Variants in CNR2 observed in about 807,000 individuals in gnomAD.
CNR2 encodes cannabinoid receptor 2 (macrophage).
For missense variants in CNR2, 379 were observed against 439.9 expected (o/e 0.86, Z 1.24); for synonymous variants, 172 against 182.2 (o/e 0.94, Z 0.45).
rs1214241500 is a variant in CNR2 at position 23,870,688 on chromosome 1, G to C, written c.*3847C>G. ...GTAGAGTGGACAGAACTGGAAGTTA[G>C]GAAACCTAGGTTTGTTGCACTGGAC... is the stretch of plus-strand genomic sequence containing the variant. On this transcript the variant is annotated 3_prime_UTR_variant, in exon 2 of 2. Transcript: ENST00000374472. 1 of 152,186 alleles carries C rather than the reference G, an allele frequency of 6.6e-6. No individual in the cohort carries two copies. Among genetic ancestry groups the C allele is most frequent in the Non-Finnish European group, 1.5e-5 (1 of 68,038 alleles). 9.4% of individuals were successfully genotyped at this position (152,186 alleles called of 1,614,324 possible).
intron 1 of CNR2, among the ~76,000 whole-genome samples, chr1:23,895,463 A>T (rs1343303856): frequency 6.6e-6 from 1 of 152,166 alleles, no homozygotes; most frequent in Non-Finnish European, 1.5e-5. Flanking sequence ...CTTTGCCCAA[A>T]AACCCATAGC....
Position 23,875,059 on chromosome 1 carries a change from G to A in CNR2, c.559C>T (p.Pro187Ser). Reference sequence around the variant, plus strand: ...AGCCAGCTCAGCAGGTAGTCATTGGGGATCAGTGGGAAAAGCTCAGAGCAG... The same window carrying A: ...AGCCAGCTCAGCAGGTAGTCATTGGAGATCAGTGGGAAAAGCTCAGAGCAG... Reference protein sequence around the residue: ...RPCSELFPLIPNDYLLSWLLF... With the variant: ...RPCSELFPLISNDYLLSWLLF... Residue 187 changes from proline (P) to serine (S), a missense_variant, in exon 2 of 2, where the codon CCC becomes TCC. By Grantham distance (74) the Pro-to-Ser change is moderately conservative. Transcript: ENST00000374472. The A allele has an allele frequency of 6.2e-7, 1 of 1,603,026 alleles. No homozygotes were observed. The highest frequency in any genetic ancestry group is 8.5e-7 in the Non-Finnish European group (1 of 1,175,050).
At chr1:23,892,032 A>T (rs1026010601) in intron 1 of CNR2, among the ~76,000 whole-genome samples, 3 of 152,108 alleles carry the variant, frequency 2.0e-5, no homozygotes, top group Non-Finnish European at 4.4e-5. Context: ...CATGACAGAC[A>T]CTTCTCACCA....
At chr1:23,879,153 G>T (rs201296694) in intron 1 of CNR2, among the ~76,000 whole-genome samples, 1 of 152,188 alleles carries the variant, frequency 6.6e-6, no homozygotes, top group East Asian at 1.9e-4. Flanking sequence ...AATTAGCCAG[G>T]CGTGGTGGTG....
intron 1 of CNR2, among the ~76,000 whole-genome samples, chr1:23,880,185 C>CTTTTTTTTTTTTTTT (rs142971648): frequency 5.4e-5 from 7 of 128,764 alleles, no homozygotes; most frequent in African/African-American, 8.7e-5. Context: ...ACTTCCAACT[C>CTTTTTTTTTTTTTTT]TTTTTTTTTT....
chr1:23,878,917 G>A (rs2502989), intron 1 of CNR2, among the ~76,000 whole-genome samples: 96,056 of 151,942 alleles, frequency 0.63, 30,750 homozygotes, highest in African/African-American at 0.75. Context: ...TCAAGAATGA[G>A]GTCTAAAAAA....
intron 1 of CNR2, among the ~76,000 whole-genome samples, chr1:23,905,434 C>T (rs1640471877): frequency 6.6e-6 from 1 of 151,452 alleles, no homozygotes; most frequent in Admixed American, 6.6e-5. Context: ...CCTGCCTTGG[C>T]CTCCCAAAGT....
chr1:23,874,764 G>A lies in CNR2; in HGVS notation c.854C>T (p.Ser285Phe), dbSNP rs201941905. 1.2e-6 allele frequency: 2 copies of A among 1,614,184 alleles called. No individual in the cohort carries two copies. Among genetic ancestry groups the A allele is most frequent in the Non-Finnish European group, 1.7e-6 (2 of 1,180,032 alleles). Residue 285 changes from serine to phenylalanine, a missense_variant, in exon 2 of 2, where the codon TCC (serine) becomes TTC (phenylalanine). Physicochemically the swap from Ser to Phe is radical, Grantham distance 155 (BLOSUM62 -2). Transcript: ENST00000374472. ...DQVKKAFAFC[S>F]MLCLINSMVN... is the part of the protein sequence containing the mutation. Reference sequence around the variant, plus strand: ...CATGGAGTTGATGAGGCACAGCATGGAGCAGAAAGCAAAGGCCTTCTTGAC... The same window carrying A: ...CATGGAGTTGATGAGGCACAGCATGAAGCAGAAAGCAAAGGCCTTCTTGAC...
chr1:23,893,548 G>C (rs967463960), intron 1 of CNR2, among the ~76,000 whole-genome samples: 1 of 152,218 alleles, frequency 6.6e-6, no homozygotes, highest in African/African-American at 2.4e-5. Flanking sequence ...ACTATCAAGA[G>C]TGTTGGATGT....
chr1:23,871,683 G>T lies in CNR2; in HGVS notation c.*2852C>A, dbSNP rs1639767393. On this transcript the variant is annotated 3_prime_UTR_variant, in exon 2 of 2. Coordinates refer to ENST00000374472, the MANE Select transcript of CNR2 (RefSeq NM_001841.3). ...GACTTTGTTCCTGGGTCTGTACTGA[G>T]TTGAATAGTGTCCGCCTAAACTTCT... 6.6e-6 allele frequency: 1 copy of T among 152,228 alleles called. No homozygotes were observed. The allele number at this position is 152,228 out of a possible 1,614,324, so 9.4% of individuals were successfully genotyped here. A position where few individuals can be genotyped will look rare whatever the true frequency, so the allele number is the denominator to read the frequency against.
chr1:23,908,180 C>A (rs1640527525), intron 1 of CNR2, among the ~76,000 whole-genome samples: 1 of 152,058 alleles, frequency 6.6e-6, no homozygotes. Flanking sequence ...GGGGTTTCAC[C>A]ATGTTGGCCA....
intron 1 of CNR2, among the ~76,000 whole-genome samples, chr1:23,912,268 G>A (rs920793298): frequency 6.6e-6 from 1 of 152,134 alleles, no homozygotes; most frequent in Non-Finnish European, 1.5e-5. Flanking sequence ...TCTTCCCTCC[G>A]CTGAGTGGAA....
At chr1:23,875,867 G>A (rs909924812) in intron 1 of CNR2, among the ~76,000 whole-genome samples, 19 of 152,140 alleles carry the variant, frequency 1.2e-4, no homozygotes, top group African/African-American at 4.1e-4. Context: ...GGGGAGGTAC[G>A]TGGGAATGCA....
At chr1:23,883,038 A>T (rs1353724197) in intron 1 of CNR2, among the ~76,000 whole-genome samples, 2 of 152,190 alleles carry the variant, frequency 1.3e-5, no homozygotes, top group African/African-American at 4.8e-5. Context: ...TATAAAATAG[A>T]TGACCACAGG....
intron 1 of CNR2, among the ~76,000 whole-genome samples, chr1:23,898,355 T>TGAGA (rs1640324737): frequency 2.5e-5 from 1 of 39,936 alleles, no homozygotes; most frequent in African/African-American, 9.2e-5. Context: ...TTTTTTTTTT[T>TGAGA]TTTTGAGATG....
intron 1 of CNR2, among the ~76,000 whole-genome samples, chr1:23,886,248 G>C (rs1402573817): frequency 1.3e-5 from 2 of 151,198 alleles, no homozygotes; most frequent in Admixed American, 1.3e-4. Context: ...ATAAATGTCA[G>C]TTCTTATTAC....
At chr1:23,905,906 G>A (rs951652420) in intron 1 of CNR2, among the ~76,000 whole-genome samples, 5 of 152,132 alleles carry the variant, frequency 3.3e-5, no homozygotes, top group African/African-American at 1.2e-4. Flanking sequence ...GGGATCTAGC[G>A]GGATCACGGG....
In CNR2 at chr1:23,874,905, C is replaced by T; in HGVS notation, c.713G>A (p.Arg238Lys). Residue 238 changes from arginine (R) to lysine (K), a missense_variant, in exon 2 of 2, where the codon AGG (arginine) becomes AAG (lysine). Arg to Lys is a conservative substitution (Grantham distance 26). Transcript: ENST00000374472. ...GGTCTTGGCCAACCTCACATCCAGC[C>T]TCATTCGGGCCATTCCTGGCACCTG... ...DRQVPGMARM[R>K]LDVRLAKTLG... 1 of 1,613,944 alleles carries T rather than the reference C, an allele frequency of 6.2e-7. No homozygotes were observed. Among genetic ancestry groups the T allele is most frequent in the Non-Finnish European group, 8.5e-7 (1 of 1,179,916 alleles).
chr1:23,910,745 G>A (rs1640570686), intron 1 of CNR2, among the ~76,000 whole-genome samples: 2 of 151,770 alleles, frequency 1.3e-5, no homozygotes, highest in African/African-American at 4.8e-5. Flanking sequence ...CTTTGAGGCA[G>A]GTTGGGAATG....
Sources: gnomAD v4.1 joint callset for allele counts (sites outside exome capture counted in the v4.1 genomes callset) on GRCh38, gnomAD v4.1.1 for gene constraint, MANE v1.5 for transcripts, NCBI Gene and HGNC (gene_info 2026-07-23, HGNC 2026-07-21) for gene names.